Variants in DNER observed in about 807,000 individuals in gnomAD.
DNER encodes delta/notch like EGF repeat containing.
Under a neutral mutation model 78.2 loss-of-function variants are expected in DNER, and 33 were observed. That is an observed-to-expected ratio of 0.42 (90% CI 0.32 to 0.56). DNER has a LOEUF of 0.56. Among genes scored for constraint, DNER ranks in the 20% least tolerant of loss-of-function variants. The pLI is 0.11. For missense variants in DNER, 918 were observed against 975.3 expected, an observed-to-expected ratio of 0.94 and a Z score of 0.78; for synonymous variants, 417 against 384.8, an observed-to-expected ratio of 1.08 and a Z score of -0.98.
intron 9 of DNER, among the ~76,000 whole-genome samples, chr2:229,414,491 A>G (rs2106347456): frequency 6.6e-6 from 1 of 152,272 alleles, no homozygotes; most frequent in East Asian, 1.9e-4. Flanking sequence ...TCCTGACTTC[A>G]GGTGATCTGC....
chr2:229,707,512 A>G (rs1268629540), intron 1 of DNER, among the ~76,000 whole-genome samples: 1 of 152,150 alleles, frequency 6.6e-6, no homozygotes, highest in Non-Finnish European at 1.5e-5. Context: ...CCCTCCTCAT[A>G]TGCCCTGGAT....
intron 6 of DNER, among the ~76,000 whole-genome samples, chr2:229,506,984 C>G (rs1695758602): frequency 6.6e-6 from 1 of 152,122 alleles, no homozygotes; most frequent in Non-Finnish European, 1.5e-5. Context: ...ATGATATAGC[C>G]TACTACACAC....
At chr2:229,457,272 A>AT (rs1694596349) in intron 7 of DNER, among the ~76,000 whole-genome samples, 1 of 152,000 alleles carries the variant, frequency 6.6e-6, no homozygotes, top group African/African-American at 2.4e-5. Flanking sequence ...GTAAATATTC[A>AT]TTTTTTTCTT....
At chr2:229,564,547 C>T (rs1264110699) in intron 4 of DNER, among the ~76,000 whole-genome samples, 1 of 132,760 alleles carries the variant, frequency 7.5e-6, no homozygotes, top group African/African-American at 3.1e-5. Flanking sequence ...CATCATCATC[C>T]TCACCCCATT....
rs1376031701 is a variant in DNER at position 229,675,442 on chromosome 2, G to A, written c.276+38706C>T. Among the ~76,000 whole-genome samples, 3 of 152,206 alleles carry A rather than the reference G, an allele frequency of 2.0e-5. No individual in the cohort carries two copies. In the East Asian group the frequency reaches 5.8e-4, roughly 29 times the overall value. On this transcript the variant is annotated intron_variant, in intron 1 of 12. Transcript: ENST00000341772. ...TTCAGTTCAAAGAATTTATGGACAG[G>A]AATCTTATCTGAGCTGTCACTTTCA...
chr2:229,392,142 T>C (rs1693029091), intron 10 of DNER, among the ~76,000 whole-genome samples: 1 of 152,170 alleles, frequency 6.6e-6, no homozygotes, highest in African/African-American at 2.4e-5. Context: ...ATCTTTCATA[T>C]ACTTCACTAA....
chr2:229,576,078 C>T (rs563262169), intron 4 of DNER, among the ~76,000 whole-genome samples: 4 of 152,100 alleles, frequency 2.6e-5, no homozygotes, highest in African/African-American at 9.7e-5. Context: ...GTTCTCCCCG[C>T]TACACTCCCT....
intron 4 of DNER, among the ~76,000 whole-genome samples, chr2:229,561,166 T>C (rs1173419392): frequency 6.6e-6 from 1 of 152,176 alleles, no homozygotes; most frequent in Non-Finnish European, 1.5e-5. Context: ...AAGTAAAGTA[T>C]GGCCAAAAAA....
At chr2:229,668,302 C>A (rs1287045625) in intron 1 of DNER, among the ~76,000 whole-genome samples, 1 of 151,534 alleles carries the variant, frequency 6.6e-6, no homozygotes, top group Non-Finnish European at 1.5e-5. Flanking sequence ...GCCTTTTATA[C>A]CTGCTCAAAG....
At chr2:229,570,016 C>T (rs1697187115) in intron 4 of DNER, among the ~76,000 whole-genome samples, 1 of 152,184 alleles carries the variant, frequency 6.6e-6, no homozygotes, top group South Asian at 2.1e-4. Flanking sequence ...GGCTGTAACA[C>T]TTACTGAAAC....
chr2:229,437,201 A>C (rs915215176), intron 8 of DNER, among the ~76,000 whole-genome samples: 1 of 152,232 alleles, frequency 6.6e-6, no homozygotes, highest in Non-Finnish European at 1.5e-5. Flanking sequence ...CACGTGAGTG[A>C]GATGGAAGAG....
At chr2:229,477,346 C>A in intron 6 of DNER, 93 bp from the exon 7 acceptor site, 1 of 793,362 alleles carries the variant, frequency 1.3e-6, no homozygotes, top group Non-Finnish European at 2.0e-6. Context: ...TGGTACCTGC[C>A]CAGTGAAGGC....
chr2:229,550,521 A>G (rs1294142341), intron 4 of DNER, among the ~76,000 whole-genome samples: 1 of 152,092 alleles, frequency 6.6e-6, no homozygotes, highest in East Asian at 1.9e-4. Flanking sequence ...TCATGCCTGT[A>G]ATCTCAGCAC....
intron 10 of DNER, among the ~76,000 whole-genome samples, chr2:229,390,567 G>C (rs1692991577): frequency 6.6e-6 from 1 of 152,172 alleles, no homozygotes; most frequent in Non-Finnish European, 1.5e-5. Context: ...GGACGGATTT[G>C]GTAAGAATGG....
At chr2:229,636,778 G>C (rs1426335375) in intron 1 of DNER, among the ~76,000 whole-genome samples, 1 of 152,074 alleles carries the variant, frequency 6.6e-6, no homozygotes, top group African/African-American at 2.4e-5. Flanking sequence ...ACATGAATGA[G>C]CTAATCAATG....
intron 4 of DNER, among the ~76,000 whole-genome samples, chr2:229,548,171 G>A (rs1185663631): frequency 6.6e-6 from 1 of 152,150 alleles, no homozygotes; most frequent in African/African-American, 2.4e-5. Flanking sequence ...AGAGAGAAAA[G>A]AATTGATTCT....
chr2:229,509,498 T>C (rs1373434741), intron 6 of DNER, among the ~76,000 whole-genome samples: 1 of 152,238 alleles, frequency 6.6e-6, no homozygotes, highest in African/African-American at 2.4e-5. Context: ...CCTGCCCTCA[T>C]GTGGCTTAAC....
chr2:229,622,217 T>C (rs138464358), intron 1 of DNER, among the ~76,000 whole-genome samples: 39 of 152,358 alleles, frequency 2.6e-4, no homozygotes, highest in African/African-American at 9.1e-4. Context: ...CATTGAGTTT[T>C]ACCTGAGCCC....
chr2:229,515,432 T>C (rs1304124987), intron 5 of DNER, among the ~76,000 whole-genome samples: 1 of 152,346 alleles, frequency 6.6e-6, no homozygotes, highest in East Asian at 1.9e-4. Context: ...CAAATCATGA[T>C]AAATTACTAT....
Sources: gnomAD v4.1 joint callset for allele counts (sites outside exome capture counted in the v4.1 genomes callset) on GRCh38, gnomAD v4.1.1 for gene constraint, MANE v1.5 for transcripts, NCBI Gene and HGNC (gene_info 2026-07-23, HGNC 2026-07-21) for gene names.